Variants in LRMDA observed in about 807,000 individuals in gnomAD.
LRMDA encodes leucine rich melanocyte differentiation associated.
LRMDA carries 18 observed loss-of-function variants against 29.8 expected under a neutral mutation model. That is an observed-to-expected ratio of 0.60 (90% CI 0.42 to 0.90). The LOEUF (loss-of-function observed/expected upper bound fraction) is 0.90. Ranked by LOEUF, LRMDA falls within the 40% of genes least tolerant of loss-of-function variation. The probability of loss-of-function intolerance (pLI) is 0.00; values close to 1 mark genes in which losing one functional copy is unlikely to be tolerated. For synonymous variants in LRMDA, 125 were observed against 109.4 expected, an observed-to-expected ratio of 1.14 and a Z score of -0.89; for missense variants, 273 against 273.9, an observed-to-expected ratio of 1.00 and a Z score of 0.02.
At chr10:75,857,351 A>G (rs1844845194) in intron 2 of LRMDA, among the ~76,000 whole-genome samples, 1 of 152,218 alleles carries the variant, frequency 6.6e-6, no homozygotes, top group Non-Finnish European at 1.5e-5. Context: ...ATCAGGTGTC[A>G]CAAAAAGAGA....
At chr10:75,944,389 G>A (rs1419939279) in intron 2 of LRMDA, among the ~76,000 whole-genome samples, 1 of 151,884 alleles carries the variant, frequency 6.6e-6, no homozygotes, top group Non-Finnish European at 1.5e-5. Flanking sequence ...GATTTTCTTT[G>A]ATTTTGTGCT....
Position 75,867,085 on chromosome 10 carries a change from G to A in LRMDA, c.132-168923G>A, listed in dbSNP as rs180795915. 2.9e-3 allele frequency among the ~76,000 whole-genome samples: 440 copies of A among 152,262 alleles called. 2 individuals carry two copies. Among genetic ancestry groups the A allele is most frequent in the African/African-American group, 0.01 (423 of 41,548 alleles). On this transcript the variant is annotated intron_variant, in intron 2 of 6. Transcript: ENST00000611255. ...TCTCCACCAAGGTTACTGCCGTCTG[G>A]ACAGGCAGTCTCTCTCCTTTCTTTC...
At chr10:75,700,649 G>A (rs985208068) in intron 2 of LRMDA, among the ~76,000 whole-genome samples, 2 of 151,482 alleles carry the variant, frequency 1.3e-5, no homozygotes, top group African/African-American at 4.9e-5. Flanking sequence ...CATCATGTTG[G>A]GGTACATGAG....
chr10:75,669,679 CTA>C (rs1841867274), intron 2 of LRMDA, among the ~76,000 whole-genome samples: 1 of 152,160 alleles, frequency 6.6e-6, no homozygotes, highest in East Asian at 1.9e-4. Flanking sequence ...AAAAGCATTG[CTA>C]TCTCTTAAAC....
intron 2 of LRMDA, among the ~76,000 whole-genome samples, chr10:75,806,886 T>C (rs1843864252): frequency 6.6e-6 from 1 of 151,920 alleles, no homozygotes; most frequent in Non-Finnish European, 1.5e-5. Flanking sequence ...TCCTATTCTA[T>C]GTCTTAGGCT....
chr10:76,191,304 C>A (rs187544133), intron 5 of LRMDA, among the ~76,000 whole-genome samples: 87 of 152,246 alleles, frequency 5.7e-4, no homozygotes, highest in Non-Finnish European at 1.1e-3. Context: ...ATACATAGAT[C>A]CTGGATGGTG....
chr10:76,235,461 G>T (rs909803833), intron 5 of LRMDA, among the ~76,000 whole-genome samples: 33 of 152,122 alleles, frequency 2.2e-4, no homozygotes, highest in Non-Finnish European at 7.3e-5. Context: ...ATGCAGGGTT[G>T]CCACAAATCC....
chr10:76,222,501 C>CA (rs34731339), intron 5 of LRMDA, among the ~76,000 whole-genome samples: 23,101 of 151,882 alleles, frequency 0.15, 2,410 homozygotes, highest in East Asian at 0.5. Flanking sequence ...GTTATGCAGC[C>CA]AAAAAAACAC....
intron 5 of LRMDA, among the ~76,000 whole-genome samples, chr10:76,221,025 T>G (rs1014310823): frequency 6.6e-6 from 1 of 152,168 alleles, no homozygotes; most frequent in Non-Finnish European, 1.5e-5. Context: ...AAAAACCACA[T>G]GATTATCTCA....
intron 2 of LRMDA, among the ~76,000 whole-genome samples, chr10:75,494,356 G>A (rs1845021621): frequency 6.6e-6 from 1 of 152,100 alleles, no homozygotes; most frequent in Non-Finnish European, 1.5e-5. Context: ...TGTGATTAGG[G>A]TGTGGTGGTT....
chr10:75,985,556 G>C lies in LRMDA; in HGVS notation c.132-50452G>C, dbSNP rs557964740. On this transcript the variant is annotated intron_variant, in intron 2 of 6. Transcript: ENST00000611255. ...TCTCATCAACCTCAGTCAAAAAAGA[G>C]AGATTTCCTCTCACCAGCAGTTCCA... Among the ~76,000 whole-genome samples the C allele has an allele frequency of 5.2e-4, 79 of 152,340 alleles. 1 individual carries two copies. The highest frequency in any genetic ancestry group is 1.6e-3 in the Admixed American group (25 of 15,308).
intron 5 of LRMDA, among the ~76,000 whole-genome samples, chr10:76,110,211 G>A (rs1210024800): frequency 6.6e-6 from 1 of 152,172 alleles, no homozygotes; most frequent in African/African-American, 2.4e-5. Flanking sequence ...CAAGTCAGAA[G>A]CTTGAGTTGG....
chr10:75,467,129 A>C (rs1465585649), intron 2 of LRMDA, among the ~76,000 whole-genome samples: 1 of 152,188 alleles, frequency 6.6e-6, no homozygotes, highest in Non-Finnish European at 1.5e-5. Flanking sequence ...AAGTACGACG[A>C]CGTGGACATA....
intron 5 of LRMDA, among the ~76,000 whole-genome samples, chr10:76,294,844 A>G (rs1460567539): frequency 6.6e-6 from 1 of 152,234 alleles, no homozygotes; most frequent in African/African-American, 2.4e-5. Context: ...CGTAGACTAT[A>G]GCTTGGGAAG....
At chr10:75,913,430 T>G (rs1006485151) in intron 2 of LRMDA, among the ~76,000 whole-genome samples, 1 of 152,164 alleles carries the variant, frequency 6.6e-6, no homozygotes, top group Non-Finnish European at 1.5e-5. Flanking sequence ...CACTCCAGCC[T>G]GGACGACACA....
chr10:76,148,787 G>A (rs929534579), intron 5 of LRMDA, among the ~76,000 whole-genome samples: 4 of 152,122 alleles, frequency 2.6e-5, no homozygotes, highest in African/African-American at 7.2e-5. Context: ...TGTTGCTCAC[G>A]CTCGGAGCTG....
chr10:75,569,093 G>A (rs989655689), intron 2 of LRMDA, among the ~76,000 whole-genome samples: 7 of 152,132 alleles, frequency 4.6e-5, no homozygotes, highest in South Asian at 2.1e-4. Flanking sequence ...TTGAGGGCAC[G>A]TCTCTTCTCT....
At chr10:76,192,359 G>C (rs1361571545) in intron 5 of LRMDA, among the ~76,000 whole-genome samples, 1 of 152,114 alleles carries the variant, frequency 6.6e-6, no homozygotes, top group East Asian at 1.9e-4. Context: ...TTTAACAATT[G>C]ATCAGACCAG....
At position 75,598,294 on chromosome 10, in the gene LRMDA, G is replaced by A. The variant is rs367744059; in HGVS notation, c.131+159800G>A. ...TTCGGTAGCATTTTGCAGACGCAGC[G>A]TGAAAGGAAGCTGTGTGCTCGTCTC... On this transcript the variant is annotated intron_variant, in intron 2 of 6. Coordinates refer to ENST00000611255, the MANE Select transcript of LRMDA (RefSeq NM_001305581.2). Among the ~76,000 whole-genome samples, 4 of 152,262 alleles carry A rather than the reference G, an allele frequency of 2.6e-5. No homozygotes were observed. In the East Asian group the frequency reaches 7.7e-4, roughly 29 times the overall value.
Sources: allele counts gnomAD v4.1 joint callset (sites outside exome capture counted in the v4.1 genomes callset), GRCh38; gene constraint gnomAD v4.1.1; transcripts MANE v1.5; gene names NCBI Gene and HGNC (gene_info 2026-07-23, HGNC 2026-07-21).